RASSF4: variants seen among roughly 807,000 people sequenced by gnomAD.
RASSF4 encodes Ras association domain family member 4.
In RASSF4, 38 loss-of-function variants were observed where a neutral mutation model predicts 41.1. That is an observed-to-expected ratio of 0.92 (90% CI 0.71 to 1.21). The LOEUF (loss-of-function observed/expected upper bound fraction) is 1.21, where lower values mean the gene tolerates loss of function less well. RASSF4 is among the 50% of genes most tolerant of loss of function. The pLI, the probability that RASSF4 is intolerant of heterozygous loss-of-function variation, is 0.00. For synonymous variants in RASSF4, 179 were observed against 163.4 expected, an observed-to-expected ratio of 1.10 and a Z score of -0.73; for missense variants, 414 against 419.4, an observed-to-expected ratio of 0.99 and a Z score of 0.11.
rs779070849 is a variant in RASSF4 at position 44,991,904 on chromosome 10, G to C, written c.808-1G>C. 1 of 1,600,458 alleles carries C rather than the reference G, an allele frequency of 6.2e-7. No homozygotes were observed. Among genetic ancestry groups the C allele is most frequent in the African/African-American group, 1.3e-5 (1 of 74,448 alleles). The stretch of plus-strand genomic sequence containing the variant: ...CATTAAAATGTTCTTGGATTTTCTA[G>C]GTCGCTCAGTACATTAAGTTTGAAA... On this transcript the variant is annotated splice_acceptor_variant, in intron 9 of 10. Transcript: ENST00000340258. LOFTEE classifies it high-confidence loss of function.
At chr10:44,990,328 CA>C (rs1842063251) in intron 8 of RASSF4, among the ~76,000 whole-genome samples, 2 of 152,348 alleles carry the variant, frequency 1.3e-5, no homozygotes, top group East Asian at 3.9e-4. Flanking sequence ...AGGAGAAGAA[CA>C]AACAGAAGTT....
chr10:44,977,361 G>A, intron 3 of RASSF4: 4 of 1,529,908 alleles, frequency 2.6e-6, no homozygotes, highest in South Asian at 1.3e-5. Context: ...GACCCAGCAT[G>A]CTCTCTACAG....
chr10:44,971,449 A>C, intron 2 of RASSF4: 1 of 542,022 alleles, frequency 1.8e-6, no homozygotes, highest in South Asian at 1.5e-5. Context: ...GAAGCAACGC[A>C]GGTGGAGGGC....
intron 4 of RASSF4, chr10:44,983,618 G>A: frequency 4.6e-6 from 1 of 215,940 alleles, no homozygotes; most frequent in Non-Finnish European, 9.3e-6. Flanking sequence ...GAGGCCTGGA[G>A]GTTGGGCCCT....
intron 3 of RASSF4, among the ~76,000 whole-genome samples, chr10:44,972,591 C>T (rs930066240): frequency 9.2e-5 from 14 of 152,246 alleles, no homozygotes; most frequent in African/African-American, 3.1e-4. Flanking sequence ...AGGGCCTAGG[C>T]TTGGGGGACC....
chr10:44,967,969 C>T (rs907360895), intron 1 of RASSF4, among the ~76,000 whole-genome samples: 1 of 152,092 alleles, frequency 6.6e-6, no homozygotes, highest in South Asian at 2.1e-4. Context: ...GAACAGAGAA[C>T]AGCACTACAA....
chr10:44,983,943 G>T, intron 4 of RASSF4, 79 bp from the exon 5 acceptor site: 1 of 1,550,144 alleles, frequency 6.5e-7, no homozygotes. Flanking sequence ...TACCCCAGGG[G>T]CTGCTGGTCT....
intron 3 of RASSF4, among the ~76,000 whole-genome samples, chr10:44,973,812 C>T (rs1339078933): frequency 2.6e-5 from 4 of 152,162 alleles, no homozygotes; most frequent in Non-Finnish European, 4.4e-5. Flanking sequence ...GTGTATGCTG[C>T]GGGACAGCCC....
chr10:44,983,347 C>T (rs1841793172), intron 4 of RASSF4: 2 of 195,952 alleles, frequency 1.0e-5, no homozygotes, highest in African/African-American at 2.4e-5. Context: ...TAGGTGTCCC[C>T]AGTCACTCAG....
At chr10:44,987,351 C>T (rs1841955630) in intron 6 of RASSF4, among the ~76,000 whole-genome samples, 1 of 152,170 alleles carries the variant, frequency 6.6e-6, no homozygotes, top group Non-Finnish European at 1.5e-5. Flanking sequence ...CCCGCCTTTG[C>T]CTACCAAAGT....
Position 44,984,794 on chromosome 10 carries a change from T to C in RASSF4, c.374-19T>C. 1 of 1,612,334 alleles carries C rather than the reference T, an allele frequency of 6.2e-7. No homozygotes were observed. The highest frequency in any genetic ancestry group is 8.5e-7 in the Non-Finnish European group (1 of 1,179,244). Reference sequence around the variant, plus strand: ...CAGCATCACCCACCCTGCCATTCTCTCACCCATTTCTCATGCAGGGCCCCT... The same window carrying C: ...CAGCATCACCCACCCTGCCATTCTCCCACCCATTTCTCATGCAGGGCCCCT... On this transcript the variant is annotated intron_variant, in intron 5 of 10. Coordinates refer to ENST00000340258, the MANE Select transcript of RASSF4 (RefSeq NM_032023.4).
chr10:44,981,632 T>C (rs3758398), intron 3 of RASSF4: 125,517 of 152,246 alleles, frequency 0.82, 51,841 homozygotes, highest in Admixed American at 0.87. Flanking sequence ...AGAGGGCAGC[T>C]GAGGTTGCTG....
chr10:44,973,138 C>A (rs1841251935), intron 3 of RASSF4, among the ~76,000 whole-genome samples: 1 of 152,338 alleles, frequency 6.6e-6, no homozygotes, highest in Middle Eastern at 3.4e-3. Flanking sequence ...TGCGAGGCCC[C>A]ACAGCTTGCT....
intron 7 of RASSF4, 89 bp from the exon 8 acceptor site, chr10:44,989,581 A>C (rs1842036291): frequency 8.3e-7 from 1 of 1,197,754 alleles, no homozygotes. Flanking sequence ...CGTGTGTGTT[A>C]CTGGGGGTGT....
At chr10:44,988,294 A>T (rs74785009) in intron 6 of RASSF4, among the ~76,000 whole-genome samples, 2,238 of 152,328 alleles carry the variant, frequency 0.015, 62 homozygotes, top group African/African-American at 0.049. Context: ...AAGGGTTGTT[A>T]TGAATATTAA....
intron 8 of RASSF4, 137 bp from the exon 9 acceptor site, chr10:44,990,811 G>A (rs1842081112): frequency 1.2e-6 from 1 of 800,810 alleles, no homozygotes; most frequent in Admixed American, 2.3e-5. Context: ...AATCTCTCAG[G>A]GCAGCGCTGT....
chr10:44,987,837 G>T (rs539128766), intron 6 of RASSF4, among the ~76,000 whole-genome samples: 2 of 152,104 alleles, frequency 1.3e-5, no homozygotes, highest in African/African-American at 4.8e-5. Flanking sequence ...CTACAGTATA[G>T]TATAAACATA....
intron 9 of RASSF4, 33 bp downstream of exon 9, chr10:44,991,102 C>A: frequency 6.3e-7 from 1 of 1,594,190 alleles, no homozygotes; most frequent in Non-Finnish European, 8.6e-7. Context: ...GAGGCCTGCT[C>A]TAGGGTGAGG....
intron 2 of RASSF4, chr10:44,971,537 C>T (rs775720526): frequency 1.1e-5 from 7 of 665,572 alleles, no homozygotes; most frequent in Admixed American, 2.1e-5. Flanking sequence ...GCAGGCCTGT[C>T]CCGTGAGTCT....
Sources: allele counts gnomAD v4.1 joint callset (sites outside exome capture counted in the v4.1 genomes callset), GRCh38; gene constraint gnomAD v4.1.1; transcripts MANE v1.5; gene names NCBI Gene and HGNC (gene_info 2026-07-23, HGNC 2026-07-21).